Variants in CA4 observed in about 807,000 individuals in gnomAD.
CA4 encodes the protein carbonic anhydrase 4.
A neutral mutation model predicts 34.5 loss-of-function variants in CA4; 24 were observed. The ratio of observed to expected loss-of-function variants is 0.70; its 90% confidence interval spans 0.50 to 0.98. The LOEUF (loss-of-function observed/expected upper bound fraction) is 0.98. CA4 is among the 50% of genes least tolerant of loss of function. The pLI, the probability that CA4 is intolerant of heterozygous loss-of-function variation, is 0.00. For missense variants in CA4, 394 were observed against 396.7 expected, an observed-to-expected ratio of 0.99 and a Z score of 0.06; for synonymous variants, 178 against 170.6, an observed-to-expected ratio of 1.04 and a Z score of -0.34.
chr17:60,174,865 G>A (rs2083943167), downstream of CA4, among the ~76,000 whole-genome samples: 1 of 152,344 alleles, frequency 6.6e-6, no homozygotes, highest in South Asian at 2.1e-4. Flanking sequence ...ATTCAATGGT[G>A]TTTAGAAGTA....
intron 1 of CA4, among the ~76,000 whole-genome samples, chr17:60,151,922 C>T (rs557237678): frequency 3.0e-4 from 46 of 152,248 alleles, no homozygotes; most frequent in African/African-American, 1.0e-3. Flanking sequence ...TGGCCGGGAG[C>T]GACTGAGACT....
intron 3 of CA4, 61 bp downstream of exon 3, chr17:60,156,776 A>T: frequency 1.3e-6 from 2 of 1,481,874 alleles, no homozygotes; most frequent in South Asian, 1.1e-5. Context: ...GACTGAGAGG[A>T]TGGGGCTCCT....
chr17:60,166,909 A>G (rs772607015), intron 5 of CA4, among the ~76,000 whole-genome samples: 14 of 152,192 alleles, frequency 9.2e-5, no homozygotes, highest in Non-Finnish European at 1.3e-4. Flanking sequence ...GTGAACTGAG[A>G]TGGTGCCAAC....
chr17:60,164,689 C>A (rs759850114), intron 5 of CA4, among the ~76,000 whole-genome samples: 7 of 152,148 alleles, frequency 4.6e-5, no homozygotes, highest in Non-Finnish European at 1.0e-4. Context: ...CCATGCCCGG[C>A]CTTAATCTTT....
the CA4 span, among the ~76,000 whole-genome samples, chr17:60,178,381 A>T: frequency 7.9e-5 from 12 of 152,246 alleles, no homozygotes; most frequent in Non-Finnish European, 1.5e-5. Context: ...CAACAGGTGC[A>T]TGTGAAGATG....
downstream of CA4, among the ~76,000 whole-genome samples, chr17:60,160,747 T>G: frequency 3.2e-5 from 1 of 31,020 alleles, no homozygotes; most frequent in East Asian, 9.3e-4. Context: ...AGAGACTCTG[T>G]CTCAAAAAAA....
chr17:60,165,446 G>A lies in CA4; in HGVS notation c.*179-5105G>A, dbSNP rs192360979. On this transcript the variant is annotated intron_variant and NMD_transcript_variant, in intron 5 of 5. Coordinates refer to the CA4 transcript ENST00000586876. ...CCTGCAGTTCTTATGTCCTGCCTTAGGGGGTAGCAGGTGCAGAGTTCAGAG... is the reference window on the plus strand; with the variant it reads ...CCTGCAGTTCTTATGTCCTGCCTTAAGGGGTAGCAGGTGCAGAGTTCAGAG... Among the ~76,000 whole-genome samples the A allele has an allele frequency of 9.7e-4, 148 of 152,306 alleles. 1 individual carries two copies. The highest frequency in any genetic ancestry group is 9.3e-4 in the Non-Finnish European group (63 of 68,000).
rs762040943 is a variant in CA4 at position 60,156,567 on chromosome 17, C to T, written c.120C>T (p.Val40=). Residue 40 remains valine (V), a synonymous_variant, in exon 3 of 8, where the codon GTC becomes GTT. Coordinates refer to ENST00000300900, the MANE Select transcript of CA4 (RefSeq NM_000717.5). ...ESSNYPCLVP[V]KWGGNCQKDR... is the part of the protein sequence containing the mutation. ...CCTTCTCTCCCTGCTCAGTGCCAGT[C>T]AAGTGGGGTGGAAACTGCCAGAAGG... The T allele has an allele frequency of 1.7e-5, 27 of 1,614,176 alleles. No individual in the cohort carries two copies. In the Middle Eastern group the frequency reaches 8.3e-4, roughly 49 times the overall value.
In CA4 at chr17:60,149,990, C is replaced by G. The variant is rs780301229; in HGVS notation, c.-45C>G. On this transcript the variant is annotated 5_prime_UTR_variant, in exon 1 of 8. Coordinates refer to ENST00000300900, the MANE Select transcript of CA4 (RefSeq NM_000717.5). ...ATCGCTGCACCCGCGGCGGCCTCCT[C>G]GGTGCGCGACCCCCGGCTCAGAGGA... The G allele has an allele frequency of 4.5e-6, 7 of 1,545,324 alleles. No individual in the cohort carries two copies. In the Admixed American group the frequency reaches 5.1e-5, roughly 11 times the overall value.
downstream of CA4, among the ~76,000 whole-genome samples, chr17:60,171,160 G>A (rs1350555150): frequency 6.6e-6 from 1 of 152,236 alleles, no homozygotes; most frequent in Non-Finnish European, 1.5e-5. Flanking sequence ...GTTTCTTCTG[G>A]TTCCAAGCTC....
intron 1 of CA4, 65 bp downstream of exon 1, chr17:60,150,157 C>G: frequency 1.5e-6 from 2 of 1,348,670 alleles, no homozygotes; most frequent in Non-Finnish European, 2.1e-6. Flanking sequence ...CAGCTCCCGC[C>G]CCTGCAGAGG....
At chr17:60,170,450 A>G (rs1321325354) in intron 5 of CA4, 2 of 152,248 alleles carry the variant, frequency 1.3e-5, no homozygotes, top group African/African-American at 4.8e-5. Context: ...TCCAAAGTCC[A>G]GTTTGGAACT....
intron 1 of CA4, among the ~76,000 whole-genome samples, chr17:60,154,725 G>C (rs891053465): frequency 6.6e-6 from 1 of 152,172 alleles, no homozygotes; most frequent in Admixed American, 6.5e-5. Flanking sequence ...AGGACTGTGC[G>C]GTTGAGGGGC....
At chr17:60,152,117 G>A (rs926821813) in intron 1 of CA4, among the ~76,000 whole-genome samples, 1 of 151,988 alleles carries the variant, frequency 6.6e-6, no homozygotes, top group African/African-American at 2.4e-5. Flanking sequence ...ACTGACTTTC[G>A]GTCTCTAACC....
Position 60,150,134 on chromosome 17 carries a change from C to T in CA4, c.58+42C>T, listed in dbSNP as rs771495613. On this transcript the variant is annotated intron_variant, in intron 1 of 7. Coordinates refer to ENST00000300900, the MANE Select transcript of CA4 (RefSeq NM_000717.5). ...CGGCCCCAGGTGCCCCTCGGCGGTC[C>T]CCTCCGTGCCCCCAGCTCCCGCCCC... is the stretch of plus-strand genomic sequence containing the variant. 25 of 1,500,278 alleles carry T rather than the reference C, an allele frequency of 1.7e-5. No homozygotes were observed. In the Admixed American group the frequency reaches 3.8e-4, roughly 23 times the overall value. The allele number at this position is 1,500,278 out of a possible 1,614,324, so 92.9% of individuals were successfully genotyped here. A position where few individuals can be genotyped will look rare whatever the true frequency, so the allele number is the denominator to read the frequency against.
intron 4 of CA4, 46 bp from the exon 5 acceptor site, chr17:60,157,644 T>G: frequency 1.9e-6 from 3 of 1,612,708 alleles, no homozygotes; most frequent in Non-Finnish European, 2.5e-6. Context: ...AGGAGGGTAG[T>G]CCAGGCCCTT....
intron 2 of CA4, among the ~76,000 whole-genome samples, chr17:60,156,316 C>G (rs1171713789): frequency 6.6e-6 from 1 of 152,226 alleles, no homozygotes. Context: ...TGTTCCCACC[C>G]TGTTCCACAC....
Position 60,159,407 on chromosome 17 carries a change from G to T in CA4, c.922G>T (p.Ala308Ser), listed in dbSNP as rs376414377. Residue 308 changes from alanine (A) to serine (S), a missense_variant, in exon 8 of 8, where the codon GCC (alanine) becomes TCC (serine). Ala to Ser is a moderately conservative substitution (Grantham distance 99). Coordinates refer to ENST00000300900, the MANE Select transcript of CA4 (RefSeq NM_000717.5). ...LLGPMLACLLAGFLR is the reference protein window; with the variant it reads ...LLGPMLACLLSGFLR ...GGGCCCCATGCTGGCCTGCCTGCTGGCCGGCTTCCTGCGATGATGGCTCAC... is the reference window on the plus strand; with the variant it reads ...GGGCCCCATGCTGGCCTGCCTGCTGTCCGGCTTCCTGCGATGATGGCTCAC... 9.0e-5 allele frequency: 145 copies of T among 1,611,982 alleles called. No individual in the cohort carries two copies. Among genetic ancestry groups the T allele is most frequent in the Non-Finnish European group, 1.2e-4 (137 of 1,179,724 alleles).
chr17:60,156,833 C>A, intron 3 of CA4, 118 bp downstream of exon 3: 1 of 937,226 alleles, frequency 1.1e-6, no homozygotes, highest in Non-Finnish European at 1.7e-6. Context: ...TGTGAGGTGG[C>A]TGAAAATCCC....
Sources: allele counts gnomAD v4.1 joint callset (sites outside exome capture counted in the v4.1 genomes callset), GRCh38; gene constraint gnomAD v4.1.1; transcripts MANE v1.5; gene names NCBI Gene and HGNC (gene_info 2026-07-23, HGNC 2026-07-21).